The following MYDGF variants were observed in gnomAD, a reference collection of about 807,000 sequenced individuals.
MYDGF encodes myeloid derived growth factor.
A neutral mutation model predicts 24.2 loss-of-function variants in MYDGF; 29 were observed. The observed-to-expected ratio is 1.20, with a 90% CI of 0.89 to 1.63. The LOEUF is 1.63. Among genes scored for constraint, MYDGF ranks in the 40% most tolerant of loss-of-function variants. The pLI is 0.00. For synonymous variants in MYDGF, 105 were observed against 102.5 expected (o/e 1.02, Z -0.15); for missense variants, 245 against 234.8 (o/e 1.04, Z -0.29).
chr19:4,668,319 A>C (rs2088536009), intron 2 of MYDGF, among the ~76,000 whole-genome samples: 1 of 152,166 alleles, frequency 6.6e-6, no homozygotes, highest in Non-Finnish European at 1.5e-5. Flanking sequence ...ACTGCACATA[A>C]AATACAACAT....
At chr19:4,667,055 T>A (rs953760189) in intron 2 of MYDGF, among the ~76,000 whole-genome samples, 1 of 151,886 alleles carries the variant, frequency 6.6e-6, no homozygotes, top group Non-Finnish European at 1.5e-5. Context: ...AGGCCGCGTG[T>A]ATTCCCTGCC....
At position 4,668,599 on chromosome 19, in the gene MYDGF, T is replaced by C. The variant is rs139888497; in HGVS notation, c.221A>G (p.Asn74Ser). ...MFTYASQGGT[N>S]EQWQMSLGTS... ...AGGGAATTTTGAACAACTCACCTCA[T>C]TGGTCCCTCCTTGAGAGGCGTAAGT... Residue 74 changes from asparagine to serine, a missense_variant, in exon 2 of 6, where the codon AAT (asparagine) becomes AGT (serine). Transcript: ENST00000262947. The C allele has an allele frequency of 3.1e-6, 5 of 1,611,570 alleles. No individual in the cohort carries two copies. The highest frequency in any genetic ancestry group is 2.2e-5 in the East Asian group (1 of 44,862).
intron 3 of MYDGF, among the ~76,000 whole-genome samples, chr19:4,662,188 G>A (rs1474692554): frequency 2.0e-5 from 3 of 152,196 alleles, no homozygotes; most frequent in Non-Finnish European, 1.5e-5. Context: ...ACACCCACAC[G>A]AGGCAGCAAA....
At chr19:4,663,068 AC>A (rs1207808403) in intron 3 of MYDGF, among the ~76,000 whole-genome samples, 4 of 81,278 alleles carry the variant, frequency 4.9e-5, no homozygotes, top group East Asian at 3.6e-4. Flanking sequence ...TACTCTCCCC[AC>A]CCCACTCCAT....
intron 3 of MYDGF, among the ~76,000 whole-genome samples, chr19:4,662,020 T>C (rs566264113): frequency 6.6e-6 from 1 of 152,088 alleles, no homozygotes; most frequent in Admixed American, 6.5e-5. Context: ...CTCTGCAGGG[T>C]CTCTCTGGGC....
At chr19:4,662,873 C>T (rs1175970952) in intron 3 of MYDGF, among the ~76,000 whole-genome samples, 1 of 152,008 alleles carries the variant, frequency 6.6e-6, no homozygotes, top group Non-Finnish European at 1.5e-5. Flanking sequence ...GTCCCCAGCC[C>T]AGACCTGCAC....
intron 3 of MYDGF, among the ~76,000 whole-genome samples, chr19:4,663,215 A>T (rs1336104802): frequency 2.3e-4 from 22 of 93,828 alleles, no homozygotes; most frequent in Non-Finnish European, 2.9e-4. Context: ...TCCTGTCCTC[A>T]TTCTACACAG....
intron 5 of MYDGF, 89 bp downstream of exon 5, chr19:4,659,842 T>TA (rs756136819): frequency 8.5e-7 from 1 of 1,175,252 alleles, no homozygotes; most frequent in South Asian, 1.2e-5. Context: ...CCAGGACCCC[T>TA]ATGGCTGACC....
At chr19:4,662,407 A>C (rs1291338322) in intron 3 of MYDGF, among the ~76,000 whole-genome samples, 1 of 152,196 alleles carries the variant, frequency 6.6e-6, no homozygotes, top group Non-Finnish European at 1.5e-5. Context: ...AGATTCCTGA[A>C]GCCCCCGACC....
In MYDGF at chr19:4,658,072, G is replaced by A. The variant is rs199788194; in HGVS notation, c.455C>T (p.Pro152Leu). ...EVTKTAVAHR[P>L]GAFKAELSKL... is the part of the protein sequence containing the mutation. The stretch of plus-strand genomic sequence containing the variant: ...GGACAGCTCAGCTTTGAATGCCCCG[G>A]GCCTGTGAGCCACTGCAAGAAAGAA... Residue 152 changes from proline (P) to leucine (L), a missense_variant, in exon 6 of 6, where the codon CCC (proline) becomes CTC (leucine). Transcript: ENST00000262947. 4.3e-5 allele frequency: 70 copies of A among 1,610,782 alleles called. No individual in the cohort carries two copies. The highest frequency in any genetic ancestry group is 5.7e-5 in the Non-Finnish European group (67 of 1,179,020).
chr19:4,670,025 C>T (rs1178957631), intron 1 of MYDGF, 136 bp downstream of exon 1: 1 of 1,016,316 alleles, frequency 9.8e-7, no homozygotes. Flanking sequence ...CAGCCTCCGA[C>T]CCTAACAATC....
At chr19:4,662,658 G>A (rs746502839) in intron 3 of MYDGF, among the ~76,000 whole-genome samples, 6 of 152,114 alleles carry the variant, frequency 3.9e-5, no homozygotes, top group Non-Finnish European at 7.4e-5. Flanking sequence ...AGAGTGCACA[G>A]CTTTTGTCTG....
At chr19:4,660,573 C>T in intron 4 of MYDGF, 96 bp downstream of exon 4, 1 of 1,192,248 alleles carries the variant, frequency 8.4e-7, no homozygotes, top group South Asian at 1.3e-5. Flanking sequence ...CCCTCTCCTC[C>T]CTGTCCCCAT....
intron 4 of MYDGF, 151 bp downstream of exon 4, chr19:4,660,518 A>G: frequency 1.5e-6 from 1 of 673,654 alleles, no homozygotes; most frequent in Non-Finnish European, 2.5e-6. Context: ...TCTGTGTGCC[A>G]GGTTCCTGCA....
Position 4,657,845 on chromosome 19 carries a change from C to T in MYDGF, c.*160G>A. 1.6e-6 allele frequency: 1 copy of T among 625,044 alleles called. No homozygotes were observed. Among genetic ancestry groups the T allele is most frequent in the Non-Finnish European group, 2.7e-6 (1 of 372,072 alleles). 38.7% of individuals were successfully genotyped at this position (625,044 alleles called of 1,614,324 possible). ...CCCTCTGTTCTCTGCCCCAGGGCTT[C>T]AGCCACCCTGCAAGCCCCTCCGGAC... On this transcript the variant is annotated 3_prime_UTR_variant, in exon 6 of 6. Transcript: ENST00000262947.
At position 4,658,069 on chromosome 19, in the gene MYDGF, C is replaced by T. The variant is rs201436134; in HGVS notation, c.458G>A (p.Gly153Glu). The change falls in exon 6 of 6, where the codon GGG becomes GAG. Residue 153 changes from glycine (G) to glutamate (E), a missense_variant. Transcript: ENST00000262947. ...CTTGGACAGCTCAGCTTTGAATGCC[C>T]CGGGCCTGTGAGCCACTGCAAGAAA... ...VTKTAVAHRP[G>E]AFKAELSKLV... The T allele has an allele frequency of 9.6e-5, 155 of 1,610,974 alleles. No individual in the cohort carries two copies. Among genetic ancestry groups the T allele is most frequent in the Non-Finnish European group, 1.2e-4 (137 of 1,179,096 alleles).
chr19:4,661,391 A>C (rs1049857747), intron 3 of MYDGF, among the ~76,000 whole-genome samples: 2 of 152,140 alleles, frequency 1.3e-5, no homozygotes, highest in African/African-American at 4.8e-5. Context: ...TGCTGACAGC[A>C]ATCCAGGTAC....
At chr19:4,658,604 G>A (rs772952576) in intron 5 of MYDGF, among the ~76,000 whole-genome samples, 22 of 152,082 alleles carry the variant, frequency 1.4e-4, no homozygotes, top group Non-Finnish European at 2.2e-4. Flanking sequence ...CCAGCTCGGC[G>A]CCTCCGATTC....
intron 5 of MYDGF, chr19:4,659,657 C>A: frequency 2.0e-6 from 1 of 510,282 alleles, no homozygotes; most frequent in Non-Finnish European, 3.5e-6. Flanking sequence ...CCACCGCGCC[C>A]AGCTAAGATA....
Sources: allele counts gnomAD v4.1 joint callset (sites outside exome capture counted in the v4.1 genomes callset), GRCh38; gene constraint gnomAD v4.1.1; transcripts MANE v1.5; gene names NCBI Gene and HGNC (gene_info 2026-07-23, HGNC 2026-07-21).